The following GRIA4 variants were observed in gnomAD, a reference collection of about 807,000 sequenced individuals.
The protein encoded by GRIA4 is glutamate ionotropic receptor AMPA type subunit 4.
Under a neutral mutation model 104.0 loss-of-function variants are expected in GRIA4, and 34 were observed. The observed-to-expected ratio is 0.33, with a 90% CI of 0.25 to 0.44. The LOEUF (loss-of-function observed/expected upper bound fraction) is 0.44. Among genes scored for constraint, GRIA4 ranks in the 20% least tolerant of loss-of-function variants. GRIA4 has a pLI of 1.00. For missense variants in GRIA4, 750 were observed against 1,096.5 expected (o/e 0.68, Z 4.46); for synonymous variants, 386 against 381.9 (o/e 1.01, Z -0.13).
intron 5 of GRIA4, among the ~76,000 whole-genome samples, chr11:105,871,405 A>T (rs1463996609): frequency 6.6e-6 from 1 of 151,696 alleles, no homozygotes; most frequent in Non-Finnish European, 1.5e-5. Context: ...TTACATACCC[A>T]CAGCAAATAG....
chr11:105,872,086 T>G (rs1945638128), intron 5 of GRIA4, among the ~76,000 whole-genome samples: 1 of 152,108 alleles, frequency 6.6e-6, no homozygotes, highest in Non-Finnish European at 1.5e-5. Flanking sequence ...ATACCCTAGC[T>G]ATTGAGACTT....
intron 3 of GRIA4, among the ~76,000 whole-genome samples, chr11:105,666,291 C>T (rs1952163094): frequency 6.6e-6 from 1 of 151,990 alleles, no homozygotes; most frequent in Non-Finnish European, 1.5e-5. Flanking sequence ...ATTTTGAATA[C>T]TATTATATAA....
intron 4 of GRIA4, among the ~76,000 whole-genome samples, chr11:105,835,209 T>C (rs1944131610): frequency 6.6e-6 from 1 of 152,010 alleles, no homozygotes; most frequent in Non-Finnish European, 1.5e-5. Context: ...AAAAAATTAA[T>C]TATATTGCCA....
intron 4 of GRIA4, among the ~76,000 whole-genome samples, chr11:105,781,538 C>T (rs528626057): frequency 2.0e-5 from 3 of 152,012 alleles, no homozygotes; most frequent in Non-Finnish European, 2.9e-5. Flanking sequence ...TTCTGGGGTA[C>T]ATTTTATTTT....
chr11:105,802,001 A>C (rs1052187606), intron 4 of GRIA4, among the ~76,000 whole-genome samples: 31 of 152,112 alleles, frequency 2.0e-4, no homozygotes. Flanking sequence ...ACATGGCAGT[A>C]ATTACTGGAG....
intron 4 of GRIA4, among the ~76,000 whole-genome samples, chr11:105,847,960 T>C (rs1351029116): frequency 6.6e-6 from 1 of 152,196 alleles, no homozygotes; most frequent in Non-Finnish European, 1.5e-5. Context: ...ATTTAATTAG[T>C]AGACTTGCTG....
At chr11:105,928,935 A>G (rs910042394) in intron 13 of GRIA4, among the ~76,000 whole-genome samples, 1 of 152,092 alleles carries the variant, frequency 6.6e-6, no homozygotes. Context: ...TCTTCCATAC[A>G]AACTGTGCAA....
rs555420948 is a variant in GRIA4, at chr11:105,892,090, T to C, written c.726+4518T>C. ...AAGTTTGAAGCTCTGGCCTGTCTGA[T>C]TGCAAAGAATAAATACACAAAAAAA... is the stretch of plus-strand genomic sequence containing the variant. On this transcript the variant is annotated intron_variant, in intron 6 of 16. Coordinates refer to ENST00000282499, the MANE Select transcript of GRIA4 (RefSeq NM_000829.4). Among the ~76,000 whole-genome samples, 4 of 152,252 alleles carry C rather than the reference T, an allele frequency of 2.6e-5. No individual in the cohort carries two copies. The South Asian group carries it at 6.3e-4, about 24-fold the overall frequency.
intron 3 of GRIA4, among the ~76,000 whole-genome samples, chr11:105,646,224 C>G (rs1347533120): frequency 6.6e-6 from 1 of 152,132 alleles, no homozygotes; most frequent in African/African-American, 2.4e-5. Flanking sequence ...TTTCAATAAA[C>G]AGAAAATTTG....
intron 4 of GRIA4, among the ~76,000 whole-genome samples, chr11:105,771,365 T>C (rs1248694069): frequency 6.6e-6 from 1 of 152,064 alleles, no homozygotes; most frequent in Non-Finnish European, 1.5e-5. Flanking sequence ...ACCGTAGACA[T>C]AAGTATTCTC....
At chr11:105,822,758 A>G (rs183171574) in intron 4 of GRIA4, among the ~76,000 whole-genome samples, 99 of 152,252 alleles carry the variant, frequency 6.5e-4, no homozygotes, top group African/African-American at 2.2e-3. Flanking sequence ...AGAAAGTGAA[A>G]CCATCTGGAA....
chr11:105,826,121 G>A (rs1320433501), intron 4 of GRIA4, among the ~76,000 whole-genome samples: 1 of 151,990 alleles, frequency 6.6e-6, no homozygotes, highest in African/African-American at 2.4e-5. Context: ...AGGACAAGCT[G>A]GCCTCAGCCC....
intron 4 of GRIA4, among the ~76,000 whole-genome samples, chr11:105,857,079 G>A (rs1945033987): frequency 6.6e-6 from 1 of 152,090 alleles, no homozygotes; most frequent in South Asian, 2.1e-4. Flanking sequence ...AAGCTACAAT[G>A]TTGGTTATTC....
At chr11:105,754,806 C>G (rs1355363853) in intron 4 of GRIA4, among the ~76,000 whole-genome samples, 1 of 152,150 alleles carries the variant, frequency 6.6e-6, no homozygotes, top group African/African-American at 2.4e-5. Flanking sequence ...GCTTAATATT[C>G]AATGTTTTGC....
At position 105,648,964 on chromosome 11, in the gene GRIA4, G is replaced by A. The variant is rs1951611111; in HGVS notation, c.247+36530G>A. The stretch of plus-strand genomic sequence containing the variant: ...CTAGCTTATGAGAAGTAGGACGGAG[G>A]TTCCAGCTGGGGCCATCTGGGTCCA... On this transcript the variant is annotated intron_variant, in intron 3 of 16. Coordinates refer to ENST00000282499, the MANE Select transcript of GRIA4 (RefSeq NM_000829.4). 2.0e-5 allele frequency among the ~76,000 whole-genome samples: 3 copies of A among 152,154 alleles called. No homozygotes were observed. In the South Asian group the frequency reaches 6.2e-4, roughly 32 times the overall value.
At chr11:105,831,313 G>A (rs1308575529) in intron 4 of GRIA4, among the ~76,000 whole-genome samples, 4 of 151,990 alleles carry the variant, frequency 2.6e-5, no homozygotes, top group Non-Finnish European at 5.9e-5. Context: ...GTTCCAGTGT[G>A]CAAGCACTTA....
At chr11:105,618,310 G>C (rs1950652174) in intron 3 of GRIA4, among the ~76,000 whole-genome samples, 1 of 151,976 alleles carries the variant, frequency 6.6e-6, no homozygotes, top group Non-Finnish European at 1.5e-5. Flanking sequence ...TTGCAAAAGG[G>C]AGAATCAATT....
At chr11:105,819,304 T>C (rs141418479) in intron 4 of GRIA4, among the ~76,000 whole-genome samples, 98 of 152,266 alleles carry the variant, frequency 6.4e-4, no homozygotes, top group African/African-American at 2.2e-3. Flanking sequence ...TGACCTTGTG[T>C]AAGGCAGTTA....
intron 14 of GRIA4, among the ~76,000 whole-genome samples, chr11:105,945,677 G>T (rs1948289018): frequency 6.6e-6 from 1 of 152,118 alleles, no homozygotes. Flanking sequence ...CTTACAAATG[G>T]TATAGCAGGA....
Sources: gnomAD v4.1 joint callset for allele counts (sites outside exome capture counted in the v4.1 genomes callset) on GRCh38, gnomAD v4.1.1 for gene constraint, MANE v1.5 for transcripts, NCBI Gene and HGNC (gene_info 2026-07-23, HGNC 2026-07-21) for gene names.